The following CHRNA3 variants were observed in gnomAD, a reference collection of about 807,000 sequenced individuals.
CHRNA3 encodes the protein neuronal acetylcholine receptor subunit alpha-3.
CHRNA3 carries 34 observed loss-of-function variants against 41.9 expected under a neutral mutation model. The observed-to-expected ratio is 0.81, with a 90% confidence interval of 0.62 to 1.08. The LOEUF (loss-of-function observed/expected upper bound fraction) is 1.08. Ranked by LOEUF, CHRNA3 falls within the 50% of genes least tolerant of loss-of-function variation. CHRNA3 has a pLI of 0.00. For synonymous variants in CHRNA3, 281 were observed against 265.2 expected (o/e 1.06, Z -0.58); for missense variants, 542 against 638.3 (o/e 0.85, Z 1.63).
In CHRNA3 at chr15:78,620,781, G is replaced by A. The variant is rs1260118540; in HGVS notation, c.14C>T (p.Pro5Leu). Residue 5 changes from proline (P) to leucine (L), a missense_variant, in exon 1 of 6, where the codon CCG (proline) becomes CTG (leucine). Coordinates refer to ENST00000326828, the MANE Select transcript of CHRNA3 (RefSeq NM_000743.5). ...CGACAGCGCCAGGGGCAGCGAGAGCGGGCCAGAGCCCATGGCTGGTGGCCG... is the reference window on the plus strand; with the variant it reads ...CGACAGCGCCAGGGGCAGCGAGAGCAGGCCAGAGCCCATGGCTGGTGGCCG... Reference protein sequence around the residue: MGSGPLSLPLALSPP... With the variant: MGSGLLSLPLALSPP... 10 of 1,479,288 alleles carry A rather than the reference G, an allele frequency of 6.8e-6. No individual in the cohort carries two copies. In the Admixed American group the frequency reaches 7.0e-5, roughly 10 times the overall value. 91.6% of individuals were successfully genotyped at this position (1,479,288 alleles called of 1,614,324 possible).
Position 78,596,717 on chromosome 15 carries a change from TC to T in CHRNA3, c.1404del (p.Trp468Ter), listed in dbSNP as rs1346744578. 6.2e-7 allele frequency: 1 copy of T among 1,606,536 alleles called. No homozygotes were observed. Among genetic ancestry groups the T allele is most frequent in the East Asian group, 2.2e-5 (1 of 44,734 alleles). On this transcript the variant is annotated frameshift_variant, in exon 6 of 6. Transcript: ENST00000326828. LOFTEE classifies it high-confidence loss of function. ...CGATCAATCACCATGGCAACATACT[TC>T]CAATCATCTTGAATCTGCAAAACAA... ...QNEAKEIQDD[W>X]KYVAMVIDRI...
intron 1 of CHRNA3, chr15:78,620,406 TC>T: frequency 4.0e-6 from 1 of 251,964 alleles, no homozygotes; most frequent in Non-Finnish European, 7.7e-6. Flanking sequence ...GGGACGCGAA[TC>T]CCCAACTCCT....
Position 78,620,822 on chromosome 15 carries a change from C to T in CHRNA3, c.-28G>A. 1 of 1,374,052 alleles carries T rather than the reference C, an allele frequency of 7.3e-7. No individual in the cohort carries two copies. The highest frequency in any genetic ancestry group is 1.7e-5 in the South Asian group (1 of 58,548). The allele number at this position is 1,374,052 out of a possible 1,614,324, so 85.1% of individuals were successfully genotyped here. ...CTGGTGGCCGGGCTGGCCGCGGACC[C>T]GGACGGTCGGGAGCGGGCGCGGCGG... On this transcript the variant is annotated 5_prime_UTR_variant, in exon 1 of 6. Transcript: ENST00000326828.
chr15:78,594,835 G>A (rs989938518), downstream of CHRNA3: 2 of 152,166 alleles, frequency 1.3e-5, no homozygotes, highest in African/African-American at 2.4e-5. Context: ...AGAGTTGCAA[G>A]GGCCTTTAGA....
chr15:78,597,294 G>T (rs191362448), intron 5 of CHRNA3, among the ~76,000 whole-genome samples: 236 of 152,290 alleles, frequency 1.5e-3, no homozygotes, highest in Non-Finnish European at 2.9e-3. Flanking sequence ...GCCAGGAGTG[G>T]TGGCACATGC....
In CHRNA3 at chr15:78,617,111, T is replaced by C; in HGVS notation, c.290A>G (p.Lys97Arg). 6.2e-7 allele frequency: 1 copy of C among 1,612,720 alleles called. No individual in the cohort carries two copies. Among genetic ancestry groups the C allele is most frequent in the South Asian group, 1.1e-5 (1 of 91,022 alleles). The change falls in exon 4 of 6, where the codon AAA becomes AGA. Residue 97 changes from lysine to arginine, a missense_variant. By Grantham distance (26) the Lys-to-Arg change is conservative. Coordinates refer to ENST00000326828, the MANE Select transcript of CHRNA3 (RefSeq NM_000743.5). The stretch of plus-strand genomic sequence containing the variant: ...CCCACCATAGTCAGAGGGGTTCCAT[T>C]TCAGCTTGTAGTCATTCCAGATCTC... ...LKQIWNDYKL[K>R]WNPSDYGGAE...
At chr15:78,595,233 GT>G, downstream of CHRNA3, 1 of 944,150 alleles carries the variant, frequency 1.1e-6, no homozygotes, top group South Asian at 4.9e-5. Context: ...TACCATTACT[GT>G]TACTTATGAT....
chr15:78,608,519 T>C (rs973391184), intron 4 of CHRNA3, among the ~76,000 whole-genome samples: 5 of 152,146 alleles, frequency 3.3e-5, no homozygotes, highest in Admixed American at 1.3e-4. Context: ...CAGCTGAGGG[T>C]CCTGTCTGTT....
At position 78,601,420 on chromosome 15, in the gene CHRNA3, G is replaced by A. The variant is rs79701466; in HGVS notation, c.1222C>T (p.Arg408Cys). 8.9e-5 allele frequency: 143 copies of A among 1,614,008 alleles called. No individual in the cohort carries two copies. The highest frequency in any genetic ancestry group is 2.9e-4 in the African/African-American group (22 of 74,898). Residue 408 changes from arginine to cysteine, a missense_variant, in exon 5 of 6, where the codon CGC becomes TGC. Arg to Cys is a radical substitution (Grantham distance 180). Transcript: ENST00000326828. ...CTGAAATTGGAGATTTTTATCCTGC[G>A]GTGGTGGCAGTAACCACACATCCCG... is the stretch of plus-strand genomic sequence containing the variant. ...QDGMCGYCHHRRIKISNFSAN... is the reference protein window; with the variant it reads ...QDGMCGYCHHCRIKISNFSAN...
chr15:78,603,171 C>T (rs773930709), intron 4 of CHRNA3, among the ~76,000 whole-genome samples: 2 of 152,162 alleles, frequency 1.3e-5, no homozygotes, highest in Non-Finnish European at 2.9e-5. Flanking sequence ...GTACCACAAA[C>T]GCTCAGCTAC....
chr15:78,606,187 G>A lies in CHRNA3; in HGVS notation c.378-3923C>T, dbSNP rs144839592. Among the ~76,000 whole-genome samples the A allele has an allele frequency of 4.0e-3, 604 of 151,966 alleles. 9 individuals are homozygous for A. The highest frequency in any genetic ancestry group is 0.013 in the African/African-American group (544 of 41,456). The stretch of plus-strand genomic sequence containing the variant: ...AATACAAAAAAAAATTTAGCTAGGC[G>A]TGGTGGCAGTCACCTGTAGTCCCAG... On this transcript the variant is annotated intron_variant, in intron 4 of 5. Coordinates refer to ENST00000326828, the MANE Select transcript of CHRNA3 (RefSeq NM_000743.5).
rs571034160 is a variant in CHRNA3 at position 78,599,557 on chromosome 15, C to A, written c.1389+1696G>T. Among the ~76,000 whole-genome samples the A allele has an allele frequency of 1.3e-4, 19 of 151,272 alleles. No individual in the cohort carries two copies. In the East Asian group the frequency reaches 3.0e-3, roughly 24 times the overall value. ...CCCAGAGATGCAGGTTCAGGGGGTC[C>A]CTCACAAGCCCAGCAGAGCCTGGCT... On this transcript the variant is annotated intron_variant, in intron 5 of 5. Coordinates refer to ENST00000326828, the MANE Select transcript of CHRNA3 (RefSeq NM_000743.5).
chr15:78,606,792 G>A (rs888623404), intron 4 of CHRNA3, among the ~76,000 whole-genome samples: 2 of 152,110 alleles, frequency 1.3e-5, no homozygotes, highest in Non-Finnish European at 2.9e-5. Flanking sequence ...CCAGCTACTT[G>A]GGAAGCTGAG....
rs763768665 is a variant in CHRNA3 at position 78,601,285 on chromosome 15, C to T, written c.1357G>A (p.Glu453Lys). ...EAIQSVKYIA[E>K]NMKAQNEAKE... ...GCTTCATTTTGTGCTTTCATATTTT[C>T]AGCAATATACTTGACACTTTGGATG... Residue 453 changes from glutamate to lysine, a missense_variant, in exon 5 of 6, where the codon GAA (glutamate) becomes AAA (lysine). Coordinates refer to ENST00000326828, the MANE Select transcript of CHRNA3 (RefSeq NM_000743.5). The T allele has an allele frequency of 9.9e-6, 16 of 1,613,642 alleles. No individual in the cohort carries two copies. The highest frequency in any genetic ancestry group is 1.4e-5 in the Non-Finnish European group (16 of 1,179,766).
chr15:78,610,949 G>A (rs576397521), intron 4 of CHRNA3, among the ~76,000 whole-genome samples: 19 of 152,244 alleles, frequency 1.2e-4, no homozygotes, highest in African/African-American at 4.1e-4. Context: ...ACAACTCTAC[G>A]CAAATAAACT....
Position 78,618,643 on chromosome 15 carries a change from T to G in CHRNA3, c.241A>C (p.Met81Leu), listed in dbSNP as rs377297481. 7 of 1,614,020 alleles carry G rather than the reference T, an allele frequency of 4.3e-6. No homozygotes were observed. The highest frequency in any genetic ancestry group is 5.9e-6 in the Non-Finnish European group (7 of 1,180,034). ...LVKVDEVNQI[M>L]ETNLWLKQIW... Reference sequence around the variant, plus strand: ...TGCTTGAGCCACAGGTTGGTCTCCATGATCTGGTTTACTTCATCCTAGAAA... The same window carrying G: ...TGCTTGAGCCACAGGTTGGTCTCCAGGATCTGGTTTACTTCATCCTAGAAA... Residue 81 changes from methionine (M) to leucine (L), a missense_variant, in exon 3 of 6, where the codon ATG becomes CTG. By Grantham distance (15) the Met-to-Leu change is conservative (BLOSUM62 2). Transcript: ENST00000326828.
Position 78,619,109 on chromosome 15 carries a change from A to AC in CHRNA3, c.83-195dup, listed in dbSNP as rs2053511190. On this transcript the variant is annotated intron_variant, in intron 1 of 5. Coordinates refer to ENST00000326828, the MANE Select transcript of CHRNA3 (RefSeq NM_000743.5). ...TGAGGCCCAAGAGGGGCAGGATTCT[A>AC]CCTGGCCACACGCATTCAGTGAGAA... is the stretch of plus-strand genomic sequence containing the variant. 1.8e-5 allele frequency: 11 copies of AC among 627,258 alleles called. No individual in the cohort carries two copies. The South Asian group carries it at 2.0e-4, about 11-fold the overall frequency. The allele number at this position is 627,258 out of a possible 1,614,324, so 38.9% of individuals were successfully genotyped here. A position where few individuals can be genotyped will look rare whatever the true frequency, so the allele number is the denominator to read the frequency against.
intron 1 of CHRNA3, chr15:78,619,938 G>A (rs995558161): frequency 1.3e-5 from 2 of 152,350 alleles, no homozygotes; most frequent in African/African-American, 4.8e-5. Context: ...GAGTAGTGCA[G>A]GCCTCGGCAC....
chr15:78,613,682 G>A (rs1434874818), intron 4 of CHRNA3, among the ~76,000 whole-genome samples: 3 of 149,132 alleles, frequency 2.0e-5, no homozygotes, highest in Middle Eastern at 3.5e-3. Context: ...TAACAAACCT[G>A]CACATTGTGC....
Sources: gnomAD v4.1 joint callset for allele counts (sites outside exome capture counted in the v4.1 genomes callset) on GRCh38, gnomAD v4.1.1 for gene constraint, MANE v1.5 for transcripts, NCBI Gene and HGNC (gene_info 2026-07-23, HGNC 2026-07-21) for gene names.